ASTN2: variants seen among roughly 807,000 people sequenced by gnomAD.
ASTN2 encodes the protein astrotactin 2.
ASTN2 carries 54 observed loss-of-function variants against 139.8 expected under a neutral mutation model. That is an observed-to-expected ratio of 0.39 (90% CI 0.31 to 0.48). The LOEUF (loss-of-function observed/expected upper bound fraction) is 0.48, where lower values mean the gene tolerates loss of function less well. Ranked by LOEUF, ASTN2 falls within the 20% of genes least tolerant of loss-of-function variation. ASTN2 has a pLI of 0.95. For missense variants in ASTN2, 1,565 were observed against 1,725.1 expected, an observed-to-expected ratio of 0.91 and a Z score of 1.64; for synonymous variants, 756 against 719.5, an observed-to-expected ratio of 1.05 and a Z score of -0.81.
At chr9:116,724,401 G>C (rs1464574420) in intron 16 of ASTN2, among the ~76,000 whole-genome samples, 2 of 152,146 alleles carry the variant, frequency 1.3e-5, no homozygotes, top group African/African-American at 4.8e-5. Context: ...AGCAGAAAGG[G>C]CTGAGAGCAC....
At chr9:116,985,816 C>T (rs1836661839) in intron 7 of ASTN2, among the ~76,000 whole-genome samples, 1 of 152,150 alleles carries the variant, frequency 6.6e-6, no homozygotes, top group Admixed American at 6.5e-5. Context: ...CTTCTCCTCA[C>T]CCTCACTGCA....
chr9:116,623,783 A>C (rs1265954642), intron 17 of ASTN2, among the ~76,000 whole-genome samples: 2 of 152,158 alleles, frequency 1.3e-5, no homozygotes, highest in Non-Finnish European at 2.9e-5. Flanking sequence ...AGGGACTTGA[A>C]CTAAAGCCCA....
chr9:117,350,054 A>G lies in ASTN2; in HGVS notation c.443-58541T>C, dbSNP rs182455851. Reference sequence around the variant, plus strand: ...TACAAATGTTGATTTCTTAGTTTTGACACATGTACCATGATAATGTAAGAT... The same window carrying G: ...TACAAATGTTGATTTCTTAGTTTTGGCACATGTACCATGATAATGTAAGAT... On this transcript the variant is annotated intron_variant, in intron 1 of 22. Transcript: ENST00000313400. Among the ~76,000 whole-genome samples the G allele has an allele frequency of 3.6e-3, 541 of 152,320 alleles. 1 individual carries two copies. The highest frequency in any genetic ancestry group is 0.012 in the African/African-American group (516 of 41,572).
At chr9:116,816,728 G>C (rs561340116) in intron 12 of ASTN2, among the ~76,000 whole-genome samples, 40 of 152,076 alleles carry the variant, frequency 2.6e-4, no homozygotes, top group African/African-American at 9.6e-4. Context: ...GAGCCATGGG[G>C]CCTGTGCAGC....
chr9:116,429,408 G>T lies in ASTN2; in HGVS notation c.3783-3320C>A, dbSNP rs1430113835. Among the ~76,000 whole-genome samples the T allele has an allele frequency of 2.7e-5, 4 of 146,456 alleles. No individual in the cohort carries two copies. The Admixed American group carries it at 2.8e-4, about 10-fold the overall frequency. On this transcript the variant is annotated intron_variant, in intron 22 of 22. Transcript: ENST00000313400. Reference sequence around the variant, plus strand: ...CAGGTGTTAACTGTTTCCCACTGTTGTACTTACAGGTGTTGGTTTGATTTT... The same window carrying T: ...CAGGTGTTAACTGTTTCCCACTGTTTTACTTACAGGTGTTGGTTTGATTTT...
intron 6 of ASTN2, among the ~76,000 whole-genome samples, chr9:117,030,542 G>C (rs975499434): frequency 7.9e-5 from 12 of 152,238 alleles, no homozygotes; most frequent in Admixed American, 2.6e-4. Context: ...TCTTAGCACA[G>C]AGTGTCATTA....
chr9:116,790,898 GGAAA>G (rs1238319471), intron 13 of ASTN2, among the ~76,000 whole-genome samples: 14 of 133,670 alleles, frequency 1.0e-4, no homozygotes, highest in African/African-American at 2.5e-4. Flanking sequence ...AGGAAAAAGA[GGAAA>G]GAAAGAAAGA....
intron 10 of ASTN2, among the ~76,000 whole-genome samples, chr9:116,952,859 C>T (rs551532052): frequency 3.9e-5 from 6 of 152,252 alleles, no homozygotes; most frequent in Non-Finnish European, 7.4e-5. Flanking sequence ...GCTCAGCCAC[C>T]GGTGACTCTG....
intron 11 of ASTN2, among the ~76,000 whole-genome samples, chr9:116,855,960 T>C (rs967220773): frequency 2.0e-5 from 3 of 152,272 alleles, no homozygotes. Context: ...TTAATAATAT[T>C]AGGCCTAGTA....
At chr9:116,459,636 A>C (rs1848427201) in intron 20 of ASTN2, among the ~76,000 whole-genome samples, 1 of 152,140 alleles carries the variant, frequency 6.6e-6, no homozygotes. Flanking sequence ...CAAATGGCTA[A>C]TAAGCACATG....
chr9:117,148,697 G>T (rs533539411), intron 3 of ASTN2, among the ~76,000 whole-genome samples: 1 of 152,220 alleles, frequency 6.6e-6, no homozygotes, highest in South Asian at 2.1e-4. Flanking sequence ...CAGGTATTTG[G>T]CCAAACATTA....
chr9:116,464,001 G>T (rs992713002), intron 20 of ASTN2, among the ~76,000 whole-genome samples: 1 of 149,384 alleles, frequency 6.7e-6, no homozygotes, highest in Non-Finnish European at 1.5e-5. Flanking sequence ...TCCCACCTCG[G>T]CCTCCCAAAG....
chr9:116,583,293 T>C (rs1854023027), intron 19 of ASTN2: 2 of 152,246 alleles, frequency 1.3e-5, no homozygotes, highest in Admixed American at 6.5e-5. Context: ...TATTTTAACA[T>C]AGTTTTTCAA....
chr9:116,951,209 C>A (rs993425143), intron 10 of ASTN2, among the ~76,000 whole-genome samples: 4 of 151,742 alleles, frequency 2.6e-5, no homozygotes, highest in African/African-American at 9.7e-5. Flanking sequence ...TGGTGGCGCA[C>A]GCCTGTAATC....
At chr9:116,669,713 T>C (rs1430590575) in intron 16 of ASTN2, among the ~76,000 whole-genome samples, 8 of 152,208 alleles carry the variant, frequency 5.3e-5, no homozygotes, top group African/African-American at 1.4e-4. Context: ...TCCCAGTCTT[T>C]GGCTTGTATT....
chr9:116,699,108 A>G lies in ASTN2; in HGVS notation c.2806+26663T>C. On this transcript the variant is annotated intron_variant, in intron 16 of 22. Coordinates refer to ENST00000313400, the MANE Select transcript of ASTN2 (RefSeq NM_001365068.1). This position sits in a 1 kb window ranked among gnomAD's most constrained non-coding sequence, Gnocchi z 4.2. The stretch of plus-strand genomic sequence containing the variant: ...CTATGATAACTCCCTCAAGGTATAT[A>G]CCTTGGATGGCCACTGCGTGGCCTG... The G allele has an allele frequency of 6.2e-7, 1 of 1,613,992 alleles. No individual in the cohort carries two copies. Among genetic ancestry groups the G allele is most frequent in the Non-Finnish European group, 8.5e-7 (1 of 1,179,970 alleles).
intron 3 of ASTN2, among the ~76,000 whole-genome samples, chr9:117,185,030 G>C (rs1273399628): frequency 6.6e-6 from 1 of 152,120 alleles, no homozygotes; most frequent in African/African-American, 2.4e-5. Context: ...GTCCACGATT[G>C]AGGCACTGTA....
At position 116,963,127 on chromosome 9, in the gene ASTN2, A is replaced by T. The variant is rs143823810; in HGVS notation, c.1889+12081T>A. Among the ~76,000 whole-genome samples, 10 of 152,314 alleles carry T rather than the reference A, an allele frequency of 6.6e-5. No homozygotes were observed. In the East Asian group the frequency reaches 1.9e-3, roughly 29 times the overall value. On this transcript the variant is annotated intron_variant, in intron 10 of 22. Coordinates refer to ENST00000313400, the MANE Select transcript of ASTN2 (RefSeq NM_001365068.1). Reference sequence around the variant, plus strand: ...AATATAAGGCAATGCCCTGACCCTTACATCTGGAAAAAATATTTTTGCAGC... The same window carrying T: ...AATATAAGGCAATGCCCTGACCCTTTCATCTGGAAAAAATATTTTTGCAGC...
chr9:116,454,315 T>C (rs919101123), intron 20 of ASTN2, among the ~76,000 whole-genome samples: 2 of 152,032 alleles, frequency 1.3e-5, no homozygotes. Flanking sequence ...AAAGTAGAAA[T>C]AGATAATAGA....
Sources: gnomAD v4.1 joint callset for allele counts (sites outside exome capture counted in the v4.1 genomes callset) on GRCh38, gnomAD v4.1.1 for gene constraint, Gnocchi (gnomAD v3.1) non-coding constraint, MANE v1.5 for transcripts, NCBI Gene and HGNC (gene_info 2026-07-23, HGNC 2026-07-21) for gene names.